Variants in OSBPL11 observed in about 807,000 individuals in gnomAD.
The protein encoded by OSBPL11 is oxysterol-binding protein-related protein 11.
A neutral mutation model predicts 84.4 loss-of-function variants in OSBPL11; 33 were observed. The ratio of observed to expected loss-of-function variants is 0.39; its 90% CI spans 0.30 to 0.52. The LOEUF (loss-of-function observed/expected upper bound fraction) is 0.52. Among genes scored for constraint, OSBPL11 ranks in the 20% least tolerant of loss-of-function variants. OSBPL11 has a pLI of 0.72. For missense variants in OSBPL11, 736 were observed against 901.1 expected (o/e 0.82, Z 2.35); for synonymous variants, 276 against 310.2 (o/e 0.89, Z 1.16).
chr3:125,578,289 T>C (rs1488070635), intron 4 of OSBPL11, among the ~76,000 whole-genome samples: 1 of 152,178 alleles, frequency 6.6e-6, no homozygotes, highest in Non-Finnish European at 1.5e-5. Flanking sequence ...AACCCCATAT[T>C]ATATGGTTCA....
chr3:125,595,418 T>C lies in OSBPL11; in HGVS notation c.-618A>G, dbSNP rs1215950644. 6.6e-6 allele frequency among the ~76,000 whole-genome samples: 1 copy of C among 152,154 alleles called. No homozygotes were observed. The highest frequency in any genetic ancestry group is 1.9e-4 in the East Asian group (1 of 5,188). Reference sequence around the variant, plus strand: ...CGAGCCACTCGGGACAACTTCCTCTTATGCCCCTGGCCCGGGCCCTCGACT... The same window carrying C: ...CGAGCCACTCGGGACAACTTCCTCTCATGCCCCTGGCCCGGGCCCTCGACT... On this transcript the variant is annotated 5_prime_UTR_variant, in exon 1 of 13. The change creates a new upstream start codon in the 5' untranslated region. Transcript: ENST00000296220.
At chr3:125,587,019 A>G (rs946870443) in intron 1 of OSBPL11, among the ~76,000 whole-genome samples, 8 of 152,218 alleles carry the variant, frequency 5.3e-5, no homozygotes, top group African/African-American at 1.9e-4. Flanking sequence ...CAAATCTATA[A>G]TCTAATCTAA....
At chr3:125,571,450 T>TA (rs1453953335) in intron 5 of OSBPL11, among the ~76,000 whole-genome samples, 1 of 151,964 alleles carries the variant, frequency 6.6e-6, no homozygotes, top group Non-Finnish European at 1.5e-5. Flanking sequence ...CCCAAGACAA[T>TA]GGGGAAAATG....
intron 11 of OSBPL11, among the ~76,000 whole-genome samples, chr3:125,533,621 A>G (rs1935595086): frequency 6.6e-6 from 1 of 152,246 alleles, no homozygotes; most frequent in Non-Finnish European, 1.5e-5. Flanking sequence ...AATATGATAC[A>G]TGAGATGGCT....
chr3:125,562,036 T>A (rs1580051499), intron 7 of OSBPL11, among the ~76,000 whole-genome samples: 1 of 152,148 alleles, frequency 6.6e-6, no homozygotes, highest in East Asian at 1.9e-4. Context: ...TAGTCCTTCA[T>A]CTTGAGATTC....
chr3:125,569,688 C>G (rs2107603867), intron 5 of OSBPL11, among the ~76,000 whole-genome samples: 1 of 152,234 alleles, frequency 6.6e-6, no homozygotes, highest in Non-Finnish European at 1.5e-5. Flanking sequence ...TCCATCAACA[C>G]CAGAATGGAT....
intron 8 of OSBPL11, among the ~76,000 whole-genome samples, chr3:125,552,936 A>G (rs1038070856): frequency 6.6e-6 from 1 of 152,152 alleles, no homozygotes; most frequent in African/African-American, 2.4e-5. Flanking sequence ...GAGGCAACAT[A>G]GTGGAACCGT....
Position 125,560,792 on chromosome 3 carries a change from A to G in OSBPL11, c.1015-273T>C, listed in dbSNP as rs1252243790. Among the ~76,000 whole-genome samples, 11 of 152,304 alleles carry G rather than the reference A, an allele frequency of 7.2e-5. No homozygotes were observed. In the East Asian group the frequency reaches 1.9e-3, roughly 27 times the overall value. On this transcript the variant is annotated intron_variant, in intron 7 of 12. Coordinates refer to ENST00000296220, the MANE Select transcript of OSBPL11 (RefSeq NM_022776.5). ...TTTGGGGGGAAAATAGAATTTTTCA[A>G]AAAGAGTGAAGAATGTCTCCTCCAG... is the stretch of plus-strand genomic sequence containing the variant.
chr3:125,574,222 CA>C (rs1390939584), intron 5 of OSBPL11, among the ~76,000 whole-genome samples: 1 of 151,036 alleles, frequency 6.6e-6, no homozygotes, highest in Non-Finnish European at 1.5e-5. Context: ...GCAGTGACAC[CA>C]AACCCACTAG....
chr3:125,552,824 A>G, intron 8 of OSBPL11, 145 bp from the exon 9 acceptor site: 1 of 1,079,820 alleles, frequency 9.3e-7, no homozygotes, highest in Non-Finnish European at 1.3e-6. Flanking sequence ...ACATTAAAAA[A>G]TAAGCATTCT....
intron 10 of OSBPL11, 86 bp from the exon 11 acceptor site, chr3:125,538,719 T>C (rs1935679352): frequency 8.3e-7 from 1 of 1,211,310 alleles, no homozygotes; most frequent in African/African-American, 1.5e-5. Context: ...ACACAGCCTG[T>C]GAATCCTGTT....
chr3:125,559,663 G>A (rs967163887), intron 8 of OSBPL11, among the ~76,000 whole-genome samples: 1 of 152,158 alleles, frequency 6.6e-6, no homozygotes. Context: ...GTTTTGCCAC[G>A]TTGGCCAGGC....
At chr3:125,533,177 C>T (rs916458460) in intron 11 of OSBPL11, among the ~76,000 whole-genome samples, 1 of 149,424 alleles carries the variant, frequency 6.7e-6, no homozygotes, top group Non-Finnish European at 1.5e-5. Context: ...CTCCCCCCTT[C>T]CTTCTCTTCC....
In OSBPL11 at chr3:125,574,689, T is replaced by C. The variant is rs1213805713; in HGVS notation, c.666+1500A>G. On this transcript the variant is annotated intron_variant, in intron 5 of 12. Transcript: ENST00000296220. ...ATCAGAATTTTGGACAACCATCTGG[T>C]ATATCTGACAGCTTCCCAATACTTT... Among the ~76,000 whole-genome samples, 4 of 152,328 alleles carry C rather than the reference T, an allele frequency of 2.6e-5. No homozygotes were observed. In the East Asian group the frequency reaches 7.7e-4, roughly 29 times the overall value.
intron 8 of OSBPL11, among the ~76,000 whole-genome samples, chr3:125,559,711 T>C (rs1936046924): frequency 6.6e-6 from 1 of 152,018 alleles, no homozygotes; most frequent in Non-Finnish European, 1.5e-5. Flanking sequence ...TCTGCCCACC[T>C]CAGCCTCCTG....
intron 1 of OSBPL11, among the ~76,000 whole-genome samples, chr3:125,585,261 G>C (rs547881459): frequency 8.5e-5 from 13 of 152,146 alleles, no homozygotes; most frequent in Admixed American, 7.2e-4. Flanking sequence ...CTGCCAAGTA[G>C]CTGGGACTAC....
intron 11 of OSBPL11, among the ~76,000 whole-genome samples, chr3:125,534,769 T>A (rs1935614803): frequency 6.6e-6 from 1 of 151,700 alleles, no homozygotes; most frequent in Non-Finnish European, 1.5e-5. Context: ...TGTAAATAAT[T>A]TTTTATTGCA....
At chr3:125,576,802 G>A (rs1936331751) in intron 4 of OSBPL11, among the ~76,000 whole-genome samples, 1 of 151,992 alleles carries the variant, frequency 6.6e-6, no homozygotes, top group Admixed American at 6.6e-5. Context: ...CCCTGCCTCA[G>A]CCTCCTGAGT....
At chr3:125,553,474 T>A (rs1935944362) in intron 8 of OSBPL11, among the ~76,000 whole-genome samples, 1 of 151,246 alleles carries the variant, frequency 6.6e-6, no homozygotes, top group South Asian at 2.1e-4. Flanking sequence ...ACCAGGTAAG[T>A]GTAAGAAAGA....
Sources: gnomAD v4.1 joint callset for allele counts (sites outside exome capture counted in the v4.1 genomes callset) on GRCh38, gnomAD v4.1.1 for gene constraint, MANE v1.5 for transcripts, NCBI Gene and HGNC (gene_info 2026-07-23, HGNC 2026-07-21) for gene names.